Variants in DGKB observed in about 807,000 individuals in gnomAD.
DGKB encodes the protein diacylglycerol kinase beta.
DGKB carries 67 observed loss-of-function variants against 114.3 expected under a neutral mutation model. The observed-to-expected ratio is 0.59, with a 90% CI of 0.48 to 0.72. The LOEUF (loss-of-function observed/expected upper bound fraction) is 0.72, where lower values mean the gene tolerates loss of function less well. DGKB is among the 30% of genes least tolerant of loss of function. The probability of loss-of-function intolerance (pLI) is 0.00; values close to 1 mark genes in which losing one functional copy is unlikely to be tolerated. For missense variants in DGKB, 907 were observed against 975.2 expected, an observed-to-expected ratio of 0.93 and a Z score of 0.93; for synonymous variants, 398 against 323.1, an observed-to-expected ratio of 1.23 and a Z score of -2.49.
intron 20 of DGKB, among the ~76,000 whole-genome samples, chr7:14,487,667 C>A (rs1784027641): frequency 6.8e-6 from 1 of 147,122 alleles, no homozygotes; most frequent in Admixed American, 6.9e-5. Context: ...CAGTGCAGTG[C>A]AATAGCTCAC....
intron 1 of DGKB, among the ~76,000 whole-genome samples, chr7:14,966,811 A>T (rs1209402700): frequency 6.6e-6 from 1 of 152,198 alleles, no homozygotes; most frequent in Non-Finnish European, 1.5e-5. Context: ...ATAATTGAGA[A>T]TCAGAGAAGG....
intron 13 of DGKB, among the ~76,000 whole-genome samples, chr7:14,647,914 C>T (rs868337785): frequency 1.3e-5 from 2 of 152,202 alleles, no homozygotes; most frequent in African/African-American, 4.8e-5. Context: ...GTCACTCCCA[C>T]CAGAATACTG....
intron 6 of DGKB, among the ~76,000 whole-genome samples, chr7:14,704,189 A>G (rs1267575569): frequency 6.6e-6 from 1 of 151,218 alleles, no homozygotes; most frequent in Non-Finnish European, 1.5e-5. Flanking sequence ...TAATCCCACC[A>G]CTTTGGGAAG....
At chr7:14,928,793 C>T (rs927627306) in intron 1 of DGKB, among the ~76,000 whole-genome samples, 9 of 151,476 alleles carry the variant, frequency 5.9e-5, no homozygotes, top group Non-Finnish European at 1.3e-4. Context: ...TATATTGTAC[C>T]GATTAAGTAA....
intron 1 of DGKB, among the ~76,000 whole-genome samples, chr7:14,948,102 A>C (rs1361039407): frequency 6.6e-6 from 1 of 151,814 alleles, no homozygotes; most frequent in African/African-American, 2.4e-5. Flanking sequence ...GTATCAACAA[A>C]AGCAAACAAT....
intron 13 of DGKB, among the ~76,000 whole-genome samples, chr7:14,666,003 G>A (rs1206769657): frequency 6.6e-6 from 1 of 151,832 alleles, no homozygotes; most frequent in Admixed American, 6.6e-5. Flanking sequence ...AAACAGAAGA[G>A]AAATTTATGA....
chr7:14,437,005 G>A (rs1019203677), intron 21 of DGKB, among the ~76,000 whole-genome samples: 12 of 151,884 alleles, frequency 7.9e-5, no homozygotes, highest in African/African-American at 2.9e-4. Context: ...TAACTCCATT[G>A]GCATTTGGCA....
At chr7:14,202,909 C>T (rs1326951180) in intron 23 of DGKB, among the ~76,000 whole-genome samples, 1 of 151,690 alleles carries the variant, frequency 6.6e-6, no homozygotes, top group African/African-American at 2.4e-5. Context: ...GCATATGTTG[C>T]AAGTTTATTT....
intron 23 of DGKB, among the ~76,000 whole-genome samples, chr7:14,324,462 AG>A (rs1808383551): frequency 6.6e-6 from 1 of 150,768 alleles, no homozygotes; most frequent in Non-Finnish European, 1.5e-5. Context: ...AAAAAAAAAA[AG>A]AAAGAATGTC....
rs1377801936 is a variant in DGKB, at chr7:14,145,096, A to G, written c.*4035T>C. ...CAAAAAACAGGATATTGTATATATC[A>G]TTTCTGAGAAAATAATTAAGGTACT... On this transcript the variant is annotated 3_prime_UTR_variant, in exon 26 of 26. Coordinates refer to ENST00000402815, the MANE Select transcript of DGKB (RefSeq NM_001350709.2). The G allele has an allele frequency of 1.3e-5, 2 of 152,194 alleles. No individual in the cohort carries two copies. The highest frequency in any genetic ancestry group is 2.9e-5 in the Non-Finnish European group (2 of 68,024). The allele number at this position is 152,194 out of a possible 1,614,324, so 9.4% of individuals were successfully genotyped here. A position where few individuals can be genotyped will look rare whatever the true frequency, so the allele number is the denominator to read the frequency against.
At chr7:14,164,642 G>T (rs976685773) in intron 25 of DGKB, among the ~76,000 whole-genome samples, 4 of 152,096 alleles carry the variant, frequency 2.6e-5, no homozygotes, top group Non-Finnish European at 4.4e-5. Context: ...CAGTTTAACT[G>T]TAAATGATAA....
chr7:14,357,203 G>A (rs1352829710), intron 21 of DGKB, among the ~76,000 whole-genome samples: 2 of 152,130 alleles, frequency 1.3e-5, no homozygotes, highest in African/African-American at 2.4e-5. Context: ...GGGTGTTAAT[G>A]TCTCCCATTA....
intron 1 of DGKB, among the ~76,000 whole-genome samples, chr7:14,930,793 A>C (rs1784976505): frequency 6.6e-6 from 1 of 152,116 alleles, no homozygotes; most frequent in African/African-American, 2.4e-5. Flanking sequence ...CAGTTCTTAG[A>C]GGGAATGATT....
At chr7:14,786,871 G>GAGACTCAGTC (rs140083037) in intron 2 of DGKB, among the ~76,000 whole-genome samples, 8,202 of 152,170 alleles carry the variant, frequency 0.054, 676 homozygotes, top group African/African-American at 0.18. Flanking sequence ...CTAAAAACCC[G>GAGACTCAGTC]AGACTCAGTC....
intron 1 of DGKB, among the ~76,000 whole-genome samples, chr7:14,950,200 A>G (rs546495579): frequency 8.0e-5 from 12 of 150,886 alleles, no homozygotes; most frequent in African/African-American, 2.9e-4. Context: ...ATAGAAAAAC[A>G]TGACTCATCC....
Position 14,726,677 on chromosome 7 carries a change from T to A in DGKB, c.323-7992A>T, listed in dbSNP as rs73682512. On this transcript the variant is annotated intron_variant, in intron 5 of 25. Coordinates refer to ENST00000402815, the MANE Select transcript of DGKB (RefSeq NM_001350709.2). ...GGCCCATGTCTTGGGCCATCCATCATAATATGTTTGTGAACATGTATTTAT... is the reference window on the plus strand; with the variant it reads ...GGCCCATGTCTTGGGCCATCCATCAAAATATGTTTGTGAACATGTATTTAT... Among the ~76,000 whole-genome samples the A allele has an allele frequency of 3.6e-3, 548 of 152,378 alleles. 3 individuals carry two copies. The highest frequency in any genetic ancestry group is 0.012 in the African/African-American group (507 of 41,592).
intron 5 of DGKB, among the ~76,000 whole-genome samples, chr7:14,727,165 C>A (rs964112130): frequency 8.6e-5 from 13 of 151,902 alleles, no homozygotes; most frequent in African/African-American, 2.9e-4. Flanking sequence ...AATGAAAATA[C>A]AGAAACTCCT....
At position 14,150,610 on chromosome 7, in the gene DGKB, G is replaced by A. The variant is rs544210804; in HGVS notation, c.2305-1372C>T. Among the ~76,000 whole-genome samples, 4 of 152,198 alleles carry A rather than the reference G, an allele frequency of 2.6e-5. No homozygotes were observed. In the East Asian group the frequency reaches 7.7e-4, roughly 29 times the overall value. On this transcript the variant is annotated intron_variant, in intron 25 of 25. Coordinates refer to ENST00000402815, the MANE Select transcript of DGKB (RefSeq NM_001350709.2). ...AATTGCACCTGTAAAAGGCCACTAA[G>A]GCTAACCCAGCCTCAAACTCTATGG...
At chr7:14,762,309 G>T (rs1325904839) in intron 2 of DGKB, among the ~76,000 whole-genome samples, 2 of 152,042 alleles carry the variant, frequency 1.3e-5, no homozygotes, top group Non-Finnish European at 2.9e-5. Context: ...TCTGGTACTT[G>T]AGTAATTCCA....
Sources: allele counts gnomAD v4.1 joint callset (sites outside exome capture counted in the v4.1 genomes callset), GRCh38; gene constraint gnomAD v4.1.1; transcripts MANE v1.5; gene names NCBI Gene and HGNC (gene_info 2026-07-23, HGNC 2026-07-21).